Variants in SVIL observed in about 807,000 individuals in gnomAD.
SVIL encodes the protein archvillin.
Under a neutral mutation model 240.4 loss-of-function variants are expected in SVIL, and 101 were observed. The ratio of observed to expected loss-of-function variants is 0.42; its 90% CI spans 0.36 to 0.50. The LOEUF (loss-of-function observed/expected upper bound fraction) is 0.50, where lower values mean the gene tolerates loss of function less well. SVIL is among the 20% of genes least tolerant of loss of function. SVIL has a pLI of 0.01. For missense variants in SVIL, 2,512 were observed against 2,818.7 expected (o/e 0.89, Z 2.46); for synonymous variants, 999 against 1,100.0 (o/e 0.91, Z 1.82).
chr10:29,710,881 A>G (rs972175849), intron 1 of SVIL, among the ~76,000 whole-genome samples: 5 of 152,256 alleles, frequency 3.3e-5, no homozygotes, highest in Admixed American at 1.3e-4. Context: ...GGCATCCAAC[A>G]CATGGTAGAA....
At chr10:29,564,076 C>T (rs932239369) in intron 2 of SVIL, among the ~76,000 whole-genome samples, 82 of 152,126 alleles carry the variant, frequency 5.4e-4, no homozygotes, top group Admixed American at 1.8e-3. Flanking sequence ...GCCCTCCACA[C>T]GGCCCTGCAA....
chr10:29,613,255 C>A (rs7904156), intron 1 of SVIL, among the ~76,000 whole-genome samples: 86,262 of 151,126 alleles, frequency 0.57, 26,105 homozygotes, highest in Non-Finnish European at 0.67. Flanking sequence ...GGTTGATAAT[C>A]CCTACCCTCT....
intron 1 of SVIL, among the ~76,000 whole-genome samples, chr10:29,625,430 A>G (rs929316161): frequency 2.0e-5 from 3 of 152,032 alleles, no homozygotes; most frequent in African/African-American, 7.2e-5. Context: ...TGGGTACTTG[A>G]CTTGTACTTG....
chr10:29,672,558 T>C (rs948898944), intron 2 of SVIL, among the ~76,000 whole-genome samples: 2 of 152,160 alleles, frequency 1.3e-5, no homozygotes, highest in African/African-American at 4.8e-5. Flanking sequence ...TTCCTTAGGG[T>C]AAAAATTAAA....
intron 13 of SVIL, among the ~76,000 whole-genome samples, chr10:29,526,292 T>C (rs1204586114): frequency 6.7e-6 from 1 of 148,396 alleles, no homozygotes; most frequent in East Asian, 1.9e-4. Context: ...TTTTTCTTTC[T>C]TTTTTTCTCT....
intron 5 of SVIL, among the ~76,000 whole-genome samples, chr10:29,551,879 G>T (rs1215856875): frequency 2.0e-5 from 3 of 152,154 alleles, no homozygotes; most frequent in African/African-American, 7.2e-5. Context: ...GGGAAACTGA[G>T]GTGGGAGGGT....
chr10:29,562,775 A>G (rs866983758), intron 3 of SVIL, among the ~76,000 whole-genome samples: 53,141 of 128,862 alleles, frequency 0.41, 10,033 homozygotes, highest in Admixed American at 0.46. Flanking sequence ...AAAAGAAAAA[A>G]AAAAAAAAAA....
intron 1 of SVIL, among the ~76,000 whole-genome samples, chr10:29,633,730 T>G (rs555000727): frequency 6.6e-6 from 1 of 152,296 alleles, no homozygotes; most frequent in East Asian, 1.9e-4. Context: ...ACTGCTGTTT[T>G]TCAGCAGAAA....
At chr10:29,527,204 G>A (rs1251209513) in intron 12 of SVIL, 148 bp from the exon 13 acceptor site, 20 of 767,408 alleles carry the variant, frequency 2.6e-5, no homozygotes, top group Admixed American at 1.3e-4. Context: ...AAAAAATCAC[G>A]AAAGAACTTC....
rs749376503 is a variant in SVIL at position 29,523,490 on chromosome 10, CCACCTT to C, written c.3118_3123del (p.Lys1040_Val1041del). On this transcript the variant is annotated inframe_deletion, in exon 15 of 38. Coordinates refer to ENST00000355867, the MANE Select transcript of SVIL (RefSeq NM_021738.3). ...TTCCTTTTCATAACATTCTCCACCT[CCACCTT>C]CTCTTCAAAGGGCAGCCTGTCCCTC... is the stretch of plus-strand genomic sequence containing the variant. The C allele has an allele frequency of 6.2e-7, 1 of 1,612,748 alleles. No individual in the cohort carries two copies.
chr10:29,532,418 T>G (rs1951436267), intron 8 of SVIL, 111 bp downstream of exon 8: 1 of 1,463,940 alleles, frequency 6.8e-7, no homozygotes, highest in African/African-American at 1.4e-5. Flanking sequence ...CACGCACTTG[T>G]GAGCTAAGCT....
At chr10:29,529,598 T>C (rs2132555002) in intron 12 of SVIL, 107 bp downstream of exon 12, 4 of 1,334,584 alleles carry the variant, frequency 3.0e-6, no homozygotes, top group Non-Finnish European at 3.9e-6. Flanking sequence ...CTGTGGCTTC[T>C]AGCTAAATCA....
chr10:29,579,063 A>G (rs1183862383), intron 1 of SVIL, among the ~76,000 whole-genome samples: 1 of 152,222 alleles, frequency 6.6e-6, no homozygotes, highest in Non-Finnish European at 1.5e-5. Context: ...TACTATGTGT[A>G]TTCCTAGTTT....
At chr10:29,711,531 T>C (rs1247088) in intron 1 of SVIL, among the ~76,000 whole-genome samples, 108,302 of 151,496 alleles carry the variant, frequency 0.71, 39,645 homozygotes, top group African/African-American at 0.88. Flanking sequence ...GAGGCCAAGG[T>C]GGGCAGATCA....
In SVIL at chr10:29,484,683, G is replaced by A. The variant is rs757678741; in HGVS notation, c.4928C>T (p.Pro1643Leu). 5.6e-6 allele frequency: 9 copies of A among 1,613,656 alleles called. No individual in the cohort carries two copies. The South Asian group carries it at 7.7e-5, about 14-fold the overall frequency. ...GGGGATAAGCGGATTGCATTCTCCA[G>A]GATCCAGGGGATTGATGTCACAGTT... ...YENCDINPLDPGECNPLIPRK... is the reference protein window; with the variant it reads ...YENCDINPLDLGECNPLIPRK... Residue 1643 changes from proline to leucine, a missense_variant, in exon 27 of 38, where the codon CCT becomes CTT. Coordinates refer to ENST00000355867, the MANE Select transcript of SVIL (RefSeq NM_021738.3). The surrounding 1 kb of genome is among the most constrained non-coding windows in gnomAD (Gnocchi z 4.7).
In SVIL at chr10:29,564,977, C is replaced by T. The variant is rs539722048; in HGVS notation, c.-142-1685G>A. Among the ~76,000 whole-genome samples, 10 of 152,162 alleles carry T rather than the reference C, an allele frequency of 6.6e-5. No homozygotes were observed. In the Middle Eastern group the frequency reaches 0.01, roughly 155 times the overall value. On this transcript the variant is annotated intron_variant, in intron 2 of 37. Transcript: ENST00000355867. ...GAAATGTACCCGACTTAAGGAATGG[C>T]GTGTTATTTTAATTGATTATTTAAT... is the stretch of plus-strand genomic sequence containing the variant.
At chr10:29,550,070 A>T (rs1354066773) in intron 6 of SVIL, among the ~76,000 whole-genome samples, 1 of 150,764 alleles carries the variant, frequency 6.6e-6, no homozygotes, top group Non-Finnish European at 1.5e-5. Context: ...AAAAAAAAAA[A>T]CATAAGAAAC....
At chr10:29,612,100 A>G (rs1397856667) in intron 1 of SVIL, among the ~76,000 whole-genome samples, 1 of 152,146 alleles carries the variant, frequency 6.6e-6, no homozygotes, top group Admixed American at 6.5e-5. Flanking sequence ...AGGAAAAAAA[A>G]AATCGATCCT....
intron 1 of SVIL, among the ~76,000 whole-genome samples, chr10:29,621,332 T>C (rs1284596370): frequency 6.6e-6 from 1 of 152,212 alleles, no homozygotes; most frequent in East Asian, 1.9e-4. Flanking sequence ...CAAGGGGAAT[T>C]TCCCAACCAA....
Sources: allele counts gnomAD v4.1 joint callset (sites outside exome capture counted in the v4.1 genomes callset), GRCh38; gene constraint gnomAD v4.1.1; non-coding constraint Gnocchi (gnomAD v3.1); transcripts MANE v1.5; gene names NCBI Gene and HGNC (gene_info 2026-07-23, HGNC 2026-07-21).